C19orf53: variants seen among roughly 807,000 people sequenced by gnomAD.
C19orf53 encodes the protein leydig cell tumor 10 kDa protein homolog.
Under a neutral mutation model 6.5 loss-of-function variants are expected in C19orf53, and 9 were observed. The ratio of observed to expected loss-of-function variants is 1.38; its 90% CI spans 0.83 to 2.40. The LOEUF (loss-of-function observed/expected upper bound fraction) is 2.40. Ranked by LOEUF, C19orf53 falls within the 30% of genes most tolerant of loss-of-function variation. The pLI is 0.00. For missense variants in C19orf53, 166 were observed against 129.7 expected (o/e 1.28, Z -1.36); for synonymous variants, 68 against 52.5 (o/e 1.29, Z -1.27).
rs777980542 is a variant in C19orf53, at chr19:13,774,713, C to G, written c.153+6C>G. Reference sequence around the variant, plus strand: ...AGCAGCAAAAGCTCAAGAAGGTGTGCGGGGGCGAGAGATGGAGCCCGGAGG... The same window carrying G: ...AGCAGCAAAAGCTCAAGAAGGTGTGGGGGGGCGAGAGATGGAGCCCGGAGG... On this transcript the variant is annotated splice_donor_region_variant and intron_variant, in intron 2 of 2. Coordinates refer to ENST00000588234, the MANE Select transcript of C19orf53 (RefSeq NM_014047.3). The G allele has an allele frequency of 1.9e-6, 3 of 1,592,778 alleles. No homozygotes were observed. The highest frequency in any genetic ancestry group is 2.6e-6 in the Non-Finnish European group (3 of 1,165,670).
intron 2 of C19orf53, among the ~76,000 whole-genome samples, chr19:13,776,364 G>A (rs11666524): frequency 0.32 from 48,366 of 151,196 alleles, 8,326 homozygotes; most frequent in South Asian, 0.44. Flanking sequence ...ATTTCCCACC[G>A]GGACCAGTGC....
rs1190896795 is a variant in C19orf53, at chr19:13,774,668, C to A, written c.114C>A (p.Pro38=). The A allele has an allele frequency of 1.9e-6, 3 of 1,610,186 alleles. No homozygotes were observed. The African/African-American group carries it at 4.0e-5, about 22-fold the overall frequency. The change falls in exon 2 of 3, where the codon CCC becomes CCA. Residue 38 remains proline, a synonymous_variant. Coordinates refer to ENST00000588234, the MANE Select transcript of C19orf53 (RefSeq NM_014047.3). ...TTTCCCCAGGTCGTGTTATCGCTCCCAAGAAGGCGCGCGTCGTGCAGCAGC... is the reference window on the plus strand; with the variant it reads ...TTTCCCCAGGTCGTGTTATCGCTCCAAAGAAGGCGCGCGTCGTGCAGCAGC... The part of the protein sequence containing the change: ...GPRKGGRVIA[P]KKARVVQQQK...
At chr19:13,775,509 T>A (rs889577600) in intron 2 of C19orf53, 6 of 152,234 alleles carry the variant, frequency 3.9e-5, no homozygotes, top group Non-Finnish European at 8.8e-5. Flanking sequence ...GGTCTTGAAC[T>A]CCTGGCCTCA....
In C19orf53 at chr19:13,774,490, C is replaced by G. The variant is rs570203303; in HGVS notation, c.13C>G (p.Gln5Glu). ...TGCGTGCCGGACCATGGCGCAGGGG[C>G]AGCGCAAGTTTCAGGCGCACAAACC... MAQG[Q>E]RKFQAHKPAK... Residue 5 changes from glutamine to glutamate, a missense_variant, in exon 1 of 3, where the codon CAG becomes GAG. Coordinates refer to ENST00000588234, the MANE Select transcript of C19orf53 (RefSeq NM_014047.3). 1.9e-6 allele frequency: 3 copies of G among 1,608,490 alleles called. No individual in the cohort carries two copies. In the South Asian group the frequency reaches 3.3e-5, roughly 18 times the overall value.
At chr19:13,777,485 C>A (rs1040933870) in intron 2 of C19orf53, among the ~76,000 whole-genome samples, 6 of 152,314 alleles carry the variant, frequency 3.9e-5, no homozygotes, top group African/African-American at 1.4e-4. Context: ...CTCAGCCTCG[C>A]AAAGTGCTGG....
chr19:13,775,950 C>A (rs1309931864), intron 2 of C19orf53, among the ~76,000 whole-genome samples: 1 of 151,640 alleles, frequency 6.6e-6, no homozygotes, highest in Non-Finnish European at 1.5e-5. Flanking sequence ...CCGGTCTCAT[C>A]CCATTTGTTT....
At position 13,778,230 on chromosome 19, in the gene C19orf53, ACCC is replaced by A; in HGVS notation, c.*35_*37del. 1 of 1,540,714 alleles carries A rather than the reference ACCC, an allele frequency of 6.5e-7. No individual in the cohort carries two copies. Among genetic ancestry groups the A allele is most frequent in the African/African-American group, 1.4e-5 (1 of 72,578 alleles). On this transcript the variant is annotated 3_prime_UTR_variant, in exon 3 of 3. Transcript: ENST00000588234. Reference sequence around the variant, plus strand: ...TGGCCCCAGTGCAGGCCAACATCCCACCCCCTACCTCCATATGGGACCTTGCAA... The same window carrying A: ...TGGCCCCAGTGCAGGCCAACATCCCACCTACCTCCATATGGGACCTTGCAA...
chr19:13,775,508 C>G (rs2145212889), intron 2 of C19orf53: 1 of 152,322 alleles, frequency 6.6e-6, no homozygotes, highest in South Asian at 2.1e-4. Context: ...TGGTCTTGAA[C>G]TCCTGGCCTC....
intron 2 of C19orf53, among the ~76,000 whole-genome samples, chr19:13,777,408 T>A (rs771982181): frequency 6.6e-6 from 1 of 152,114 alleles, no homozygotes; most frequent in Non-Finnish European, 1.5e-5. Context: ...TTTCTTTTAG[T>A]ACAGATGCAG....
intron 2 of C19orf53, among the ~76,000 whole-genome samples, chr19:13,776,521 C>T (rs990213103): frequency 2.0e-5 from 3 of 152,138 alleles, no homozygotes; most frequent in Admixed American, 1.3e-4. Context: ...GTCCAGTCCT[C>T]ACTCAGCCAC....
rs923542959 is a variant in C19orf53, at chr19:13,778,526, G to A, written c.*328G>A. On this transcript the variant is annotated 3_prime_UTR_variant, in exon 3 of 3. Transcript: ENST00000588234. ...GCCCACAAGTCTCCATGAGTGACGT[G>A]GCCTGGCGTGCTCCACCCCACCCCA... The A allele has an allele frequency of 5.1e-6, 1 of 196,274 alleles. No homozygotes were observed. Among genetic ancestry groups the A allele is most frequent in the Non-Finnish European group, 1.0e-5 (1 of 97,092 alleles). 12.2% of individuals were successfully genotyped at this position (196,274 alleles called of 1,614,324 possible).
At chr19:13,778,026 C>CT in intron 2 of C19orf53, 26 bp from the exon 3 acceptor site, 2 of 1,590,170 alleles carry the variant, frequency 1.3e-6, no homozygotes, top group South Asian at 2.3e-5. Flanking sequence ...AGGTCACAAT[C>CT]TGACTGCCCC....
chr19:13,776,248 G>C (rs1162128845), intron 2 of C19orf53, among the ~76,000 whole-genome samples: 1 of 151,006 alleles, frequency 6.6e-6, no homozygotes, highest in East Asian at 1.9e-4. Context: ...AAAGTGCTGG[G>C]ATTACAGGCA....
chr19:13,778,075 G>T lies in C19orf53; in HGVS notation c.177G>T (p.Lys59Asn). The T allele has an allele frequency of 2.5e-6, 4 of 1,612,212 alleles. No individual in the cohort carries two copies. The highest frequency in any genetic ancestry group is 3.4e-6 in the Non-Finnish European group (4 of 1,178,866). ...AGAACCTAGAAGTCGGAATCCGGAA[G>T]AAGATCGAACATGACGTGGTGATGA... Reference protein sequence around the residue: ...LKKNLEVGIRKKIEHDVVMKA... With the variant: ...LKKNLEVGIRNKIEHDVVMKA... Residue 59 changes from lysine to asparagine, a missense_variant, in exon 3 of 3, where the codon AAG (lysine) becomes AAT (asparagine). Physicochemically the swap from Lys to Asn is moderately conservative, Grantham distance 94. Coordinates refer to ENST00000588234, the MANE Select transcript of C19orf53 (RefSeq NM_014047.3).
At chr19:13,777,558 T>C (rs1974383625) in intron 2 of C19orf53, among the ~76,000 whole-genome samples, 1 of 152,132 alleles carries the variant, frequency 6.6e-6, no homozygotes, top group Non-Finnish European at 1.5e-5. Context: ...GCAGAGGCAG[T>C]CTGGGAAAGG....
At chr19:13,775,594 C>T (rs1974361916) in intron 2 of C19orf53, 1 of 151,956 alleles carries the variant, frequency 6.6e-6, no homozygotes, top group Admixed American at 6.6e-5. Flanking sequence ...TTTTTAAGTG[C>T]AACATTTATA....
chr19:13,777,187 G>A (rs1314083430), intron 2 of C19orf53, among the ~76,000 whole-genome samples: 1 of 151,998 alleles, frequency 6.6e-6, no homozygotes, highest in African/African-American at 2.4e-5. Context: ...CCTGACCTCA[G>A]GTGATATGCC....
Position 13,778,172 on chromosome 19 carries a change from G to T in C19orf53, c.274G>T (p.Ala92Ser), listed in dbSNP as rs138367753. The change falls in exon 3 of 3, where the codon GCC becomes TCC. Residue 92 changes from alanine to serine, a missense_variant. Coordinates refer to ENST00000588234, the MANE Select transcript of C19orf53 (RefSeq NM_014047.3). ...APAKKKGAAA[A>S]TSSKTPS ...AGCCAAGAAGAAAGGGGCAGCTGCC[G>T]CCACCTCCTCCAAGACACCTTCCTG... 132 of 1,609,730 alleles carry T rather than the reference G, an allele frequency of 8.2e-5. No individual in the cohort carries two copies. The African/African-American group carries it at 1.2e-3, about 15-fold the overall frequency.
At position 13,778,328 on chromosome 19, in the gene C19orf53, AGTGGG is replaced by A; in HGVS notation, c.*132_*136del. On this transcript the variant is annotated 3_prime_UTR_variant, in exon 3 of 3. Transcript: ENST00000588234. ...AGCACTGGGCTTCACCTAGAACTTC[AGTGGG>A]GGCCAAGGGTGCTGAGAACCCAGCA... The A allele has an allele frequency of 8.5e-7, 1 of 1,171,778 alleles. No homozygotes were observed. The highest frequency in any genetic ancestry group is 1.1e-6 in the Non-Finnish European group (1 of 872,716). 72.6% of individuals were successfully genotyped at this position (1,171,778 alleles called of 1,614,324 possible). A position where few individuals can be genotyped will look rare whatever the true frequency, so the allele number is the denominator to read the frequency against.
Sources: gnomAD v4.1 joint callset for allele counts (sites outside exome capture counted in the v4.1 genomes callset) on GRCh38, gnomAD v4.1.1 for gene constraint, MANE v1.5 for transcripts, NCBI Gene and HGNC (gene_info 2026-07-23, HGNC 2026-07-21) for gene names.